Variants in STK33 observed in about 807,000 individuals in gnomAD.
STK33 encodes serine/threonine-protein kinase 33.
Under a neutral mutation model 58.0 loss-of-function variants are expected in STK33, and 52 were observed. The observed-to-expected ratio is 0.90, with a 90% CI of 0.72 to 1.13. The LOEUF is 1.13. STK33 is among the 50% of genes most tolerant of loss of function. The pLI, the probability that STK33 is intolerant of heterozygous loss-of-function variation, is 0.00. For synonymous variants in STK33, 215 were observed against 200.1 expected (o/e 1.07, Z -0.63); for missense variants, 630 against 604.2 (o/e 1.04, Z -0.45).
At chr11:8,573,405 G>A (rs995432924) in intron 1 of STK33, among the ~76,000 whole-genome samples, 1 of 152,078 alleles carries the variant, frequency 6.6e-6, no homozygotes, top group African/African-American at 2.4e-5. Flanking sequence ...AATCAGAAAG[G>A]CTAAAATAAA....
At chr11:8,338,378 T>C in the STK33 span, among the ~76,000 whole-genome samples, 2 of 152,210 alleles carry the variant, frequency 1.3e-5, no homozygotes, top group Non-Finnish European at 2.9e-5. Context: ...TGCCCTAGCT[T>C]TGGCCTCAGA....
intron 1 of STK33, among the ~76,000 whole-genome samples, chr11:8,518,995 T>C (rs867070677): frequency 6.6e-6 from 1 of 152,186 alleles, no homozygotes. Flanking sequence ...GCGGACCTAA[T>C]AGACATCTAC....
intron 14 of STK33, among the ~76,000 whole-genome samples, chr11:8,417,548 A>G (rs1941304360): frequency 6.6e-6 from 1 of 152,140 alleles, no homozygotes; most frequent in Non-Finnish European, 1.5e-5. Flanking sequence ...GTGAGATGGT[A>G]TGAGTCCAAA....
intron 14 of STK33, among the ~76,000 whole-genome samples, chr11:8,426,514 G>C (rs1942784632): frequency 6.6e-6 from 1 of 152,122 alleles, no homozygotes; most frequent in African/African-American, 2.4e-5. Context: ...CCCTAGCCAG[G>C]GACTATGCCC....
intron 7 of STK33, among the ~76,000 whole-genome samples, chr11:8,463,032 T>C (rs1484950868): frequency 6.6e-6 from 1 of 152,186 alleles, no homozygotes; most frequent in Non-Finnish European, 1.5e-5. Flanking sequence ...TTTTGCCTAA[T>C]TAAAATTTTA....
rs1231961427 is a variant in STK33 at position 8,553,198 on chromosome 11, G to GGT, written c.-466+40883_-466+40884dup. ...TATATATATATATATATATATATAT[G>GGT]GTGTATATATATATATATATATATA... On this transcript the variant is annotated intron_variant, in intron 1 of 15. Coordinates refer to ENST00000687296, the MANE Select transcript of STK33 (RefSeq NM_001352389.2). 9.5e-4 allele frequency among the ~76,000 whole-genome samples: 52 copies of GGT among 54,968 alleles called. 1 individual carries two copies. The highest frequency in any genetic ancestry group is 2.3e-3 in the African/African-American group (23 of 9,910). 36.1% of individuals were successfully genotyped at this position (54,968 alleles called of 152,430 possible).
At chr11:8,466,812 G>A (rs1948241441) in intron 6 of STK33, 1 of 152,276 alleles carries the variant, frequency 6.6e-6, no homozygotes, top group Admixed American at 6.5e-5. Context: ...ACTACTGCCT[G>A]CGCATCCAGG....
At chr11:8,466,868 TA>T (rs1948249999) in intron 6 of STK33, 1 of 152,288 alleles carries the variant, frequency 6.6e-6, no homozygotes, top group South Asian at 2.1e-4. Context: ...TCCCAAACCC[TA>T]ATTCTTCACT....
At position 8,461,859 on chromosome 11, in the gene STK33, T is replaced by C; in HGVS notation, c.504A>G (p.Lys168=). 6.2e-7 allele frequency: 1 copy of C among 1,602,432 alleles called. No homozygotes were observed. Among genetic ancestry groups the C allele is most frequent in the Non-Finnish European group, 8.5e-7 (1 of 1,175,594 alleles). ...KLLEREVNIL[K]SVKHEHIIHL... is the part of the protein sequence containing the mutation. Reference sequence around the variant, plus strand: ...GTATGATGTGTTCATGTTTTACACTTTTCAGAATGTTCACCTCTCGTTCAA... The same window carrying C: ...GTATGATGTGTTCATGTTTTACACTCTTCAGAATGTTCACCTCTCGTTCAA... The change falls in exon 8 of 16, where the codon AAA becomes AAG. Residue 168 remains lysine, a synonymous_variant. Transcript: ENST00000687296.
At chr11:8,414,330 C>A (rs965137256) in intron 14 of STK33, among the ~76,000 whole-genome samples, 1 of 152,092 alleles carries the variant, frequency 6.6e-6, no homozygotes, top group South Asian at 2.1e-4. Context: ...TATAATACCC[C>A]ATGTAATGTG....
the STK33 span, among the ~76,000 whole-genome samples, chr11:8,373,472 C>G: frequency 6.6e-6 from 1 of 152,118 alleles, no homozygotes; most frequent in East Asian, 1.9e-4. Context: ...TGCCTGGGAG[C>G]TGCGAGGAAG....
At chr11:8,428,480 A>T (rs1018121679) in intron 14 of STK33, among the ~76,000 whole-genome samples, 1 of 152,166 alleles carries the variant, frequency 6.6e-6, no homozygotes, top group Admixed American at 6.5e-5. Flanking sequence ...TGGTATCATG[A>T]GGTTTCTCTC....
At chr11:8,586,821 C>A (rs887316806) in intron 1 of STK33, among the ~76,000 whole-genome samples, 51 of 34,258 alleles carry the variant, frequency 1.5e-3, no homozygotes, top group Non-Finnish European at 1.9e-3. Context: ...AAGACTCTGT[C>A]TAAAAAAAAA....
chr11:8,561,921 T>C (rs1215185612), intron 1 of STK33, among the ~76,000 whole-genome samples: 3 of 152,196 alleles, frequency 2.0e-5, no homozygotes, highest in Non-Finnish European at 4.4e-5. Context: ...TCTGCTTCAA[T>C]GTGTTGGCTT....
At chr11:8,538,580 T>C (rs986907106) in intron 1 of STK33, among the ~76,000 whole-genome samples, 4 of 152,362 alleles carry the variant, frequency 2.6e-5, no homozygotes, top group Non-Finnish European at 4.4e-5. Context: ...AAGATTACTT[T>C]GTTGCCACTA....
chr11:8,534,787 A>C (rs1278772937), intron 1 of STK33, among the ~76,000 whole-genome samples: 3 of 152,164 alleles, frequency 2.0e-5, no homozygotes, highest in African/African-American at 7.2e-5. Flanking sequence ...TGAAATTGTT[A>C]TAATTAGAGA....
intron 8 of STK33, 45 bp from the exon 9 acceptor site, chr11:8,457,524 T>G (rs1224687745): frequency 6.8e-7 from 1 of 1,480,044 alleles, no homozygotes; most frequent in East Asian, 2.3e-5. Flanking sequence ...ATTATATATC[T>G]GGGGATCTTT....
At chr11:8,354,474 TCACACACACACACACA>T in the STK33 span, among the ~76,000 whole-genome samples, 12 of 124,756 alleles carry the variant, frequency 9.6e-5, no homozygotes, top group South Asian at 1.9e-3. Flanking sequence ...CTGCAAAACC[TCACACACACACACACA>T]CACACACACA....
the STK33 span, among the ~76,000 whole-genome samples, chr11:8,358,058 G>A: frequency 1.3e-5 from 2 of 152,142 alleles, no homozygotes; most frequent in Non-Finnish European, 2.9e-5. Flanking sequence ...TTCCTAGCTT[G>A]AGCTCAAAGC....
Sources: gnomAD v4.1 joint callset for allele counts (sites outside exome capture counted in the v4.1 genomes callset) on GRCh38, gnomAD v4.1.1 for gene constraint, MANE v1.5 for transcripts, NCBI Gene and HGNC (gene_info 2026-07-23, HGNC 2026-07-21) for gene names.